NUMA1: variants seen among roughly 807,000 people sequenced by gnomAD.
NUMA1 encodes the protein SP-H antigen.
NUMA1 carries 62 observed loss-of-function variants against 237.1 expected under a neutral mutation model. The observed-to-expected ratio is 0.26, with a 90% CI of 0.21 to 0.32. The LOEUF is 0.32. Ranked by LOEUF, NUMA1 falls within the 10% of genes least tolerant of loss-of-function variation. The pLI is 1.00. For synonymous variants in NUMA1, 1,028 were observed against 1,066.1 expected, an observed-to-expected ratio of 0.96 and a Z score of 0.70; for missense variants, 2,533 against 2,666.5, an observed-to-expected ratio of 0.95 and a Z score of 1.10.
At chr11:72,019,646 C>T (rs1275132324) in intron 8 of NUMA1, 29 bp from the exon 9 acceptor site, 11 of 1,606,190 alleles carry the variant, frequency 6.8e-6, no homozygotes, top group Non-Finnish European at 9.4e-6. Flanking sequence ...CAAAATAAAT[C>T]AACAAAGGTT....
intron 2 of NUMA1, among the ~76,000 whole-genome samples, chr11:72,049,042 G>A (rs879890843): frequency 6.6e-6 from 1 of 152,052 alleles, no homozygotes; most frequent in Middle Eastern, 3.2e-3. Flanking sequence ...ACCCAGAGAG[G>A]ATTCATTATA....
At chr11:72,049,560 A>AATATAT (rs1555034472) in intron 2 of NUMA1, 731 of 41,034 alleles carry the variant, frequency 0.018, 61 homozygotes, top group African/African-American at 0.054. Flanking sequence ...AAATAATAAT[A>AATATAT]ATATATATAT....
In NUMA1 at chr11:72,014,045, T is replaced by C; in HGVS notation, c.3458A>G (p.Glu1153Gly). 1 of 1,611,038 alleles carries C rather than the reference T, an allele frequency of 6.2e-7. No individual in the cohort carries two copies. The highest frequency in any genetic ancestry group is 8.5e-7 in the Non-Finnish European group (1 of 1,179,972). Residue 1153 changes from glutamate (E) to glycine (G), a missense_variant, in exon 15 of 27, where the codon GAG becomes GGG. By Grantham distance (98) the Glu-to-Gly change is moderately conservative. Coordinates refer to ENST00000393695, the MANE Select transcript of NUMA1 (RefSeq NM_006185.4). This position sits in a 1 kb window ranked among gnomAD's most constrained non-coding sequence, Gnocchi z 4.6. ...ADSLERSLEA[E>G]RASRAERDSA... ...GTCCCGCTCAGCCCGGGAGGCCCGC[T>C]CAGCCTCGAGGCTGCGTTCCAGGCT...
At chr11:72,022,263 G>T in intron 7 of NUMA1, 76 bp downstream of exon 7, 1 of 932,628 alleles carries the variant, frequency 1.1e-6, no homozygotes, top group Non-Finnish European at 1.7e-6. Context: ...AGTATCTGCT[G>T]TTCAAAGAAA....
chr11:72,068,868 G>A (rs1379529781), intron 2 of NUMA1, among the ~76,000 whole-genome samples: 1 of 152,060 alleles, frequency 6.6e-6, no homozygotes, highest in Admixed American at 6.6e-5. Flanking sequence ...AGAAAAATTC[G>A]GTGTTACTGT....
At chr11:72,003,716 G>A (rs1955434528) in intron 26 of NUMA1, 171 bp downstream of exon 26, 4 of 980,506 alleles carry the variant, frequency 4.1e-6, no homozygotes, top group Non-Finnish European at 4.7e-6. Context: ...ATGAGAATGG[G>A]GCCATCTGTC....
chr11:72,055,582 T>TTCTTGATGTAGG, intron 2 of NUMA1, among the ~76,000 whole-genome samples: 1 of 152,244 alleles, frequency 6.6e-6, no homozygotes, highest in South Asian at 2.1e-4. Context: ...AATGTTCTGT[T>TTCTTGATGTAGG]TCTTGATGTA....
At chr11:72,062,368 C>A (rs1942987990) in intron 2 of NUMA1, among the ~76,000 whole-genome samples, 1 of 151,946 alleles carries the variant, frequency 6.6e-6, no homozygotes. Context: ...ATACTCTCCA[C>A]GAAATTTAAC....
At chr11:72,051,021 G>A (rs1942320714) in intron 2 of NUMA1, among the ~76,000 whole-genome samples, 1 of 151,382 alleles carries the variant, frequency 6.6e-6, no homozygotes. Context: ...ACAAGTAGCT[G>A]CTGCTACAAC....
chr11:72,016,170 G>C lies in NUMA1; in HGVS notation c.1333C>G (p.Gln445Glu). Residue 445 changes from glutamine to glutamate, a missense_variant, in exon 15 of 27, where the codon CAG becomes GAG. Transcript: ENST00000393695. ...TCAGCAAGCAGCTTGGCTTCCTGCT[G>C]GCCTCGCTCAGTCTCCAGCATCTCT... ...RVEMLETERG[Q>E]QEAKLLAERG... 1 of 1,613,762 alleles carries C rather than the reference G, an allele frequency of 6.2e-7. No individual in the cohort carries two copies. The highest frequency in any genetic ancestry group is 1.1e-5 in the South Asian group (1 of 91,084).
At chr11:72,004,431 T>C (rs1565183131) in intron 24 of NUMA1, 90 bp from the exon 25 acceptor site, 2 of 1,306,672 alleles carry the variant, frequency 1.5e-6, no homozygotes, top group African/African-American at 3.0e-5. Flanking sequence ...GAGTGGACCT[T>C]GTAAGTCAAC....
chr11:72,031,126 C>CTAAA (rs1940249958), intron 3 of NUMA1, among the ~76,000 whole-genome samples: 1 of 151,690 alleles, frequency 6.6e-6, no homozygotes, highest in African/African-American at 2.4e-5. Flanking sequence ...CTTGTCTCTA[C>CTAAA]TAAATAAATA....
intron 2 of NUMA1, among the ~76,000 whole-genome samples, chr11:72,059,927 ATAT>A (rs1358607480): frequency 2.0e-5 from 3 of 152,218 alleles, no homozygotes; most frequent in African/African-American, 4.8e-5. Context: ...AAGATAGAAT[ATAT>A]TATTGTTTTA....
chr11:72,030,605 T>A (rs1247824868), intron 3 of NUMA1, among the ~76,000 whole-genome samples: 1 of 152,178 alleles, frequency 6.6e-6, no homozygotes, highest in Non-Finnish European at 1.5e-5. Flanking sequence ...GCACTACAGT[T>A]CAGAAGTAGC....
chr11:72,045,873 T>A (rs1385333692), intron 2 of NUMA1, among the ~76,000 whole-genome samples: 1 of 152,204 alleles, frequency 6.6e-6, no homozygotes, highest in African/African-American at 2.4e-5. Flanking sequence ...CCTGGCCACA[T>A]ATGGCAATGC....
chr11:72,004,819 G>T lies in NUMA1; in HGVS notation c.5830-3C>A. On this transcript the variant is annotated splice_polypyrimidine_tract_variant and splice_region_variant and intron_variant, in intron 23 of 26. Coordinates refer to ENST00000393695, the MANE Select transcript of NUMA1 (RefSeq NM_006185.4). ...ATGGTGCCCAGGCTCAGGGAAGGCTGCATGGGTGGAAGAGGTGGTCAGTGG... is the reference window on the plus strand; with the variant it reads ...ATGGTGCCCAGGCTCAGGGAAGGCTTCATGGGTGGAAGAGGTGGTCAGTGG... The T allele has an allele frequency of 6.4e-7, 1 of 1,563,258 alleles. No individual in the cohort carries two copies. The highest frequency in any genetic ancestry group is 8.7e-7 in the Non-Finnish European group (1 of 1,155,966).
chr11:72,020,912 GC>G (rs1358946846), intron 8 of NUMA1: 5 of 283,336 alleles, frequency 1.8e-5, no homozygotes, highest in African/African-American at 1.1e-4. Flanking sequence ...TGTATTCTCA[GC>G]TTCTAAGCCT....
intron 4 of NUMA1, 106 bp downstream of exon 4, chr11:72,029,099 C>G: frequency 1.3e-6 from 1 of 773,492 alleles, no homozygotes. Flanking sequence ...AATCCTTCCC[C>G]TGATTTCTGG....
At chr11:72,052,750 G>A (rs1223689162) in intron 2 of NUMA1, among the ~76,000 whole-genome samples, 1 of 151,760 alleles carries the variant, frequency 6.6e-6, no homozygotes, top group African/African-American at 2.4e-5. Flanking sequence ...GTGTGCTCCA[G>A]TCAGAGCAAG....
Sources: allele counts gnomAD v4.1 joint callset (sites outside exome capture counted in the v4.1 genomes callset), GRCh38; gene constraint gnomAD v4.1.1; non-coding constraint Gnocchi (gnomAD v3.1); transcripts MANE v1.5; gene names NCBI Gene and HGNC (gene_info 2026-07-23, HGNC 2026-07-21).